The following PTCH1 variants were observed in gnomAD, a reference collection of about 807,000 sequenced individuals.
PTCH1 encodes protein patched homolog 1.
PTCH1 carries 14 observed loss-of-function variants against 144.6 expected under a neutral mutation model. The observed-to-expected ratio is 0.10, with a 90% CI of 0.06 to 0.15. The LOEUF (loss-of-function observed/expected upper bound fraction) is 0.15, where lower values mean the gene tolerates loss of function less well. PTCH1 is among the 10% of genes least tolerant of loss of function. PTCH1 has a pLI of 1.00. For missense variants in PTCH1, 1,623 were observed against 1,948.3 expected (o/e 0.83, Z 3.14); for synonymous variants, 833 against 793.6 (o/e 1.05, Z -0.83).
At chr9:95,468,149 C>G (rs1030974701) in intron 14 of PTCH1, among the ~76,000 whole-genome samples, 1 of 152,208 alleles carries the variant, frequency 6.6e-6, no homozygotes, top group Admixed American at 6.5e-5. Flanking sequence ...CTCACTGTAG[C>G]CTCGACTCCC....
chr9:95,475,886 T>C, intron 12 of PTCH1, 148 bp downstream of exon 12: 1 of 1,274,682 alleles, frequency 7.8e-7, no homozygotes, highest in South Asian at 1.3e-5. Flanking sequence ...TAAAGCAGCA[T>C]CCACCCAGTT....
At chr9:95,496,579 A>T (rs1461534242) in intron 2 of PTCH1, among the ~76,000 whole-genome samples, 2 of 152,024 alleles carry the variant, frequency 1.3e-5, no homozygotes, top group Non-Finnish European at 2.9e-5. Context: ...CTAGTCCCCA[A>T]ATCTCTAGAA....
chr9:95,460,773 G>A (rs1021479981), intron 16 of PTCH1, among the ~76,000 whole-genome samples: 1 of 152,122 alleles, frequency 6.6e-6, no homozygotes, highest in Non-Finnish European at 1.5e-5. Flanking sequence ...TGGTATCTGG[G>A]GGTCTGGCCC....
chr9:95,468,613 A>G lies in PTCH1; in HGVS notation c.2250+138T>C, dbSNP rs548210670. On this transcript the variant is annotated intron_variant, in intron 14 of 23. Coordinates refer to ENST00000331920, the MANE Select transcript of PTCH1 (RefSeq NM_000264.5). The stretch of plus-strand genomic sequence containing the variant: ...ATGCTCTAAAAGCATTGACTTTTGG[A>G]GGACTGAAATGTATCATACTTAAAC... 314 of 1,146,306 alleles carry G rather than the reference A, an allele frequency of 2.7e-4. 1 individual carries two copies. In the East Asian group the frequency reaches 7.4e-3, roughly 27 times the overall value. The allele number at this position is 1,146,306 out of a possible 1,614,324, so 71.0% of individuals were successfully genotyped here. A position where few individuals can be genotyped will look rare whatever the true frequency, so the allele number is the denominator to read the frequency against.
chr9:95,471,377 T>A (rs1241129990), intron 12 of PTCH1, among the ~76,000 whole-genome samples: 1 of 152,252 alleles, frequency 6.6e-6, no homozygotes, highest in Non-Finnish European at 1.5e-5. Flanking sequence ...CTTCTTGGTC[T>A]ATCTTGAAAA....
intron 16 of PTCH1, chr9:95,460,013 C>T: frequency 1.7e-6 from 1 of 577,230 alleles, no homozygotes. Flanking sequence ...CTGCAGATGG[C>T]CCAGGAATTG....
At position 95,471,070 on chromosome 9, in the gene PTCH1, GA is replaced by G. The variant is rs565409488; in HGVS notation, c.1729-1140del. ...TGCACTCCAGCCTGGGTGACAGAGT[GA>G]GAGTCTGTCTCAAAAAAAAAAAAGA... is the stretch of plus-strand genomic sequence containing the variant. On this transcript the variant is annotated intron_variant, in intron 12 of 23. Coordinates refer to ENST00000331920, the MANE Select transcript of PTCH1 (RefSeq NM_000264.5). Among the ~76,000 whole-genome samples, 38 of 150,370 alleles carry G rather than the reference GA, an allele frequency of 2.5e-4. No individual in the cohort carries two copies. In the East Asian group the frequency reaches 6.9e-3, roughly 27 times the overall value.
rs556841727 is a variant in PTCH1, at chr9:95,452,354, C to G, written c.3449+1124G>C. On this transcript the variant is annotated intron_variant, in intron 20 of 23. Coordinates refer to ENST00000331920, the MANE Select transcript of PTCH1 (RefSeq NM_000264.5). ...ACACACACACACACACACACACACA[C>G]ACAACCTCTCAGTACTGAAGCGTGC... is the stretch of plus-strand genomic sequence containing the variant. 3.3e-5 allele frequency: 5 copies of G among 152,074 alleles called. No homozygotes were observed. The East Asian group carries it at 7.7e-4, about 24-fold the overall frequency. 9.4% of individuals were successfully genotyped at this position (152,074 alleles called of 1,614,324 possible). A position where few individuals can be genotyped will look rare whatever the true frequency, so the allele number is the denominator to read the frequency against.
At chr9:95,494,376 T>G (rs542506753) in intron 2 of PTCH1, 27 of 985,518 alleles carry the variant, frequency 2.7e-5, no homozygotes, top group Non-Finnish European at 2.9e-5. Flanking sequence ...GAGACGACGC[T>G]GCATCTGCCA....
At chr9:95,467,041 A>C (rs1446102594) in intron 15 of PTCH1, 75 bp downstream of exon 15, 2 of 1,490,042 alleles carry the variant, frequency 1.3e-6, no homozygotes, top group Admixed American at 3.5e-5. Flanking sequence ...ACGCTCTCAT[A>C]ATCATGACAA....
chr9:95,473,542 ATTTTTTTT>A (rs34481207), intron 12 of PTCH1, among the ~76,000 whole-genome samples: 1 of 119,026 alleles, frequency 8.4e-6, no homozygotes, highest in Admixed American at 8.6e-5. Context: ...TTTCTATCCT[ATTTTTTTT>A]TTTTTTTTTT....
intron 3 of PTCH1, chr9:95,482,847 G>A (rs1462760452): frequency 6.5e-6 from 1 of 154,378 alleles, no homozygotes; most frequent in African/African-American, 2.4e-5. Context: ...GCAGGCAGGA[G>A]GACAGCGTGA....
At chr9:95,470,802 C>T (rs1458180762) in intron 12 of PTCH1, among the ~76,000 whole-genome samples, 3 of 152,046 alleles carry the variant, frequency 2.0e-5, no homozygotes, top group African/African-American at 4.8e-5. Flanking sequence ...AGGCCAGGCG[C>T]GGTGGCTCAC....
chr9:95,507,935 T>A (rs1843850791), intron 1 of PTCH1: 1 of 1,440,546 alleles, frequency 6.9e-7, no homozygotes, highest in Admixed American at 2.1e-5. Flanking sequence ...CACACACACC[T>A]CCACCCCCTG....
At chr9:95,450,667 G>C (rs1412117936) in intron 20 of PTCH1, 1 of 152,988 alleles carries the variant, frequency 6.5e-6, no homozygotes, top group African/African-American at 2.4e-5. Context: ...ACTCCACAAT[G>C]GCGGGGCTGC....
intron 19 of PTCH1, among the ~76,000 whole-genome samples, chr9:95,453,831 A>T (rs377470381): frequency 7.2e-5 from 11 of 152,350 alleles, no homozygotes; most frequent in Admixed American, 1.3e-4. Flanking sequence ...TGTTGACGTA[A>T]ATCTTGAACA....
chr9:95,493,777 T>C (rs1209755887), intron 2 of PTCH1, among the ~76,000 whole-genome samples: 1 of 151,866 alleles, frequency 6.6e-6, no homozygotes, highest in African/African-American at 2.4e-5. Flanking sequence ...TTATTAGCAC[T>C]GCCTCTTTTT....
At chr9:95,496,066 G>C (rs1842768636) in intron 2 of PTCH1, among the ~76,000 whole-genome samples, 1 of 152,156 alleles carries the variant, frequency 6.6e-6, no homozygotes, top group Non-Finnish European at 1.5e-5. Context: ...GAGAAAAGGA[G>C]GTAAGCTTTG....
chr9:95,468,848 G>A lies in PTCH1; in HGVS notation c.2153C>T (p.Ser718Phe), dbSNP rs2118032855. ...GGGGGGCTCGAGGCAGTGGAGGCTGGAGTCGGAGAACTGGGAGAGCAGGTC... is the reference window on the plus strand; with the variant it reads ...GGGGGGCTCGAGGCAGTGGAGGCTGAAGTCGGAGAACTGGGAGAGCAGGTC... ...TRDLLSQFSDSSLHCLEPPCT... is the reference protein window; with the variant it reads ...TRDLLSQFSDFSLHCLEPPCT... Residue 718 changes from serine to phenylalanine, a missense_variant, in exon 14 of 24, where the codon TCC becomes TTC. Physicochemically the swap from Ser to Phe is radical, Grantham distance 155. Around this residue, in one of 7 missense-constraint regions of PTCH1, gnomAD observed 179 missense variants for 165.7 expected, o/e 1.08. Transcript: ENST00000331920. 6.2e-7 allele frequency: 1 copy of A among 1,614,190 alleles called. No individual in the cohort carries two copies. Among genetic ancestry groups the A allele is most frequent in the Non-Finnish European group, 8.5e-7 (1 of 1,180,020 alleles).
Sources: gnomAD v4.1 joint callset for allele counts (sites outside exome capture counted in the v4.1 genomes callset) on GRCh38, gnomAD v4.1.1 for gene constraint, gnomAD v4.1.1 regional missense constraint, MANE v1.5 for transcripts, NCBI Gene and HGNC (gene_info 2026-07-23, HGNC 2026-07-21) for gene names.